Variants in ANKRD26 observed in about 807,000 individuals in gnomAD.
ANKRD26 encodes ankyrin repeat domain-containing protein 26.
ANKRD26 carries 141 observed loss-of-function variants against 208.7 expected under a neutral mutation model. That is an observed-to-expected ratio of 0.68 (90% CI 0.59 to 0.78). The LOEUF is 0.78. Among genes scored for constraint, ANKRD26 ranks in the 30% least tolerant of loss-of-function variants. The pLI, the probability that ANKRD26 is intolerant of heterozygous loss-of-function variation, is 0.00. For synonymous variants in ANKRD26, 636 were observed against 660.4 expected (o/e 0.96, Z 0.57); for missense variants, 1,889 against 1,938.7 (o/e 0.97, Z 0.48).
downstream of ANKRD26, among the ~76,000 whole-genome samples, chr10:26,989,971 A>G (rs1250865241): frequency 1.3e-5 from 2 of 152,104 alleles, no homozygotes; most frequent in Non-Finnish European, 2.9e-5. Flanking sequence ...CAAGTGCTAG[A>G]GAGTTCTCGG....
chr10:26,973,941 G>A (rs1589157739), exon 6 of ANKRD26, among the ~76,000 whole-genome samples: 1 of 152,112 alleles, frequency 6.6e-6, no homozygotes, highest in Non-Finnish European at 1.5e-5. Context: ...ACAGGCGTGA[G>A]CCACTGTGCC....
Position 27,035,748 on chromosome 10 carries a change from G to C in ANKRD26, c.2702C>G (p.Ser901Cys). The C allele has an allele frequency of 6.2e-7, 1 of 1,601,960 alleles. No individual in the cohort carries two copies. The highest frequency in any genetic ancestry group is 1.7e-5 in the Admixed American group (1 of 58,850). ...GTCTTTTTCTTCTTCATGACTATGAGAATTCTAAGTAAAACAAAGGAAACT... is the reference window on the plus strand; with the variant it reads ...GTCTTTTTCTTCTTCATGACTATGACAATTCTAAGTAAAACAAAGGAAACT... ...MAQKKMNSEN[S>C]HSHEEEKDLS... The change falls in exon 24 of 34, where the codon TCT (serine) becomes TGT (cysteine). Residue 901 changes from serine to cysteine, a missense_variant. Transcript: ENST00000376087.
Position 27,033,335 on chromosome 10 carries a change from T to G in ANKRD26, c.3697A>C (p.Lys1233Gln). ...GAAGCCTCTGACATAGATTGTTTTT[T>G]TAGGGTATCAGCTAGTTCTTGTTGA... is the stretch of plus-strand genomic sequence containing the variant. ...QLQQELADTLKKQSMSEASLE... is the reference protein window; with the variant it reads ...QLQQELADTLQKQSMSEASLE... The change falls in exon 25 of 34, where the codon AAA (lysine) becomes CAA (glutamine). Residue 1233 changes from lysine (K) to glutamine (Q), a missense_variant. Lys to Gln is a moderately conservative substitution (Grantham distance 53). Around this residue, in one of 3 missense-constraint regions of ANKRD26, gnomAD observed 613 missense variants for 648.2 expected, o/e 0.95. Coordinates refer to ENST00000376087, the MANE Select transcript of ANKRD26 (RefSeq NM_014915.3). 1 of 1,612,038 alleles carries G rather than the reference T, an allele frequency of 6.2e-7. No homozygotes were observed. The highest frequency in any genetic ancestry group is 8.5e-7 in the Non-Finnish European group (1 of 1,178,624).
chr10:27,046,029 C>T, intron 18 of ANKRD26: 1 of 243,378 alleles, frequency 4.1e-6, no homozygotes. Flanking sequence ...TGCAAATAAA[C>T]TCTAAAAGCT....
At chr10:27,011,021 G>A (rs767954350) in intron 32 of ANKRD26, among the ~76,000 whole-genome samples, 12 of 152,134 alleles carry the variant, frequency 7.9e-5, no homozygotes, top group Non-Finnish European at 1.6e-4. Context: ...CTGCAGTGCT[G>A]TCTAAGAAAC....
intron 15 of ANKRD26, among the ~76,000 whole-genome samples, chr10:27,057,040 C>A (rs182085947): frequency 1.3e-5 from 2 of 152,298 alleles, no homozygotes; most frequent in East Asian, 1.9e-4. Flanking sequence ...AGATATTTAT[C>A]ATTGATTTTC....
intron 29 of ANKRD26, among the ~76,000 whole-genome samples, chr10:27,022,066 C>T (rs930993388): frequency 6.6e-6 from 1 of 152,088 alleles, no homozygotes. Flanking sequence ...TCAATTTTTG[C>T]TTTTGTTGCA....
chr10:27,040,803 G>A (rs2054210063), intron 20 of ANKRD26, among the ~76,000 whole-genome samples: 1 of 152,158 alleles, frequency 6.6e-6, no homozygotes, highest in Admixed American at 6.5e-5. Flanking sequence ...GCTGAGGTGG[G>A]CGGATCACCT....
At chr10:26,949,435 T>C in the ANKRD26 span, among the ~76,000 whole-genome samples, 4 of 55,624 alleles carry the variant, frequency 7.2e-5, no homozygotes, top group Non-Finnish European at 2.8e-4. Context: ...ATCACATTAT[T>C]CAGTTTTCAA....
downstream of ANKRD26, among the ~76,000 whole-genome samples, chr10:27,002,118 G>A (rs2052738708): frequency 6.6e-6 from 1 of 152,130 alleles, no homozygotes; most frequent in Non-Finnish European, 1.5e-5. Context: ...TAAGAGGGTG[G>A]CCTGGCACAG....
At chr10:26,965,994 G>T in the ANKRD26 span, among the ~76,000 whole-genome samples, 1 of 152,184 alleles carries the variant, frequency 6.6e-6, no homozygotes. Flanking sequence ...AGATGCTGGT[G>T]AGGCTGTGGA....
the ANKRD26 span, among the ~76,000 whole-genome samples, chr10:26,965,553 A>G: frequency 6.6e-6 from 1 of 152,236 alleles, no homozygotes; most frequent in Non-Finnish European, 1.5e-5. Flanking sequence ...AGGCAATACC[A>G]TTCAGGACAT....
intron 25 of ANKRD26, 22 bp downstream of exon 25, chr10:27,033,203 A>C (rs1345149175): frequency 1.3e-6 from 2 of 1,588,032 alleles, no homozygotes. Context: ...TAACTGTTTG[A>C]CATGTTAAAT....
At position 27,083,175 on chromosome 10, in the gene ANKRD26, G is replaced by A. The variant is rs1589361082; in HGVS notation, c.710-342C>T. Among the ~76,000 whole-genome samples the A allele has an allele frequency of 2.0e-5, 3 of 152,098 alleles. No individual in the cohort carries two copies. In the South Asian group the frequency reaches 6.2e-4, roughly 32 times the overall value. On this transcript the variant is annotated intron_variant, in intron 5 of 33. Coordinates refer to ENST00000376087, the MANE Select transcript of ANKRD26 (RefSeq NM_014915.3). ...CAATAATCACTAAATCCTATTAACTGTACCTCTCTTCTGCCTTTGCCTTAC... is the reference window on the plus strand; with the variant it reads ...CAATAATCACTAAATCCTATTAACTATACCTCTCTTCTGCCTTTGCCTTAC...
intron 6 of ANKRD26, chr10:27,080,849 T>G (rs11015507): frequency 0.094 from 92,266 of 985,322 alleles, 4,998 homozygotes; most frequent in African/African-American, 0.24. Context: ...CTCCATGATT[T>G]GGGTTGCTCC....
chr10:27,012,337 A>G (rs1408907509), intron 32 of ANKRD26, among the ~76,000 whole-genome samples: 1 of 152,084 alleles, frequency 6.6e-6, no homozygotes, highest in African/African-American at 2.4e-5. Flanking sequence ...CAGTTCAGTT[A>G]CATTTATTGA....
At position 27,100,391 on chromosome 10, in the gene ANKRD26, CCAACATAA is replaced by C; in HGVS notation, c.-73_-66del. On this transcript the variant is annotated 5_prime_UTR_variant, in exon 1 of 34. It removes an upstream start codon present in the reference 5' UTR. Transcript: ENST00000376087. ...CTCGGCTCTTAACGGCCTCCGGAGC[CCAACATAA>C]CAAGTCAGCCCCGGCTGGCCGCAGC... 6.3e-7 allele frequency: 1 copy of C among 1,594,334 alleles called. No homozygotes were observed. The highest frequency in any genetic ancestry group is 2.2e-5 in the East Asian group (1 of 44,810).
Position 27,034,863 on chromosome 10 carries a change from A to T in ANKRD26, c.3587T>A (p.Leu1196Ter). Residue 1196 changes from leucine to a stop codon, truncating the protein, a stop_gained, in exon 24 of 34, where the codon TTA (leucine) becomes TAA (stop). Transcript: ENST00000376087. LOFTEE classifies it high-confidence loss of function. ...TTTTAAGTGATTACATTCACTGATTAACTCCTTATTTCTTTCTTCTAGCAG... is the reference window on the plus strand; with the variant it reads ...TTTTAAGTGATTACATTCACTGATTTACTCCTTATTTCTTTCTTCTAGCAG... ...SLLLEERNKELISECNHLKER... is the reference protein window; with the variant it reads ...SLLLEERNKE The T allele has an allele frequency of 6.2e-7, 1 of 1,613,124 alleles. No individual in the cohort carries two copies. The highest frequency in any genetic ancestry group is 8.5e-7 in the Non-Finnish European group (1 of 1,179,734).
chr10:27,040,270 C>T (rs866652870), intron 20 of ANKRD26, 92 bp from the exon 21 acceptor site: 1 of 918,248 alleles, frequency 1.1e-6, no homozygotes, highest in Admixed American at 2.1e-5. Flanking sequence ...AGACACTGAC[C>T]AATTACATAT....
Sources: allele counts gnomAD v4.1 joint callset (sites outside exome capture counted in the v4.1 genomes callset), GRCh38; gene constraint gnomAD v4.1.1; regional missense constraint gnomAD v4.1.1; transcripts MANE v1.5; gene names NCBI Gene and HGNC (gene_info 2026-07-23, HGNC 2026-07-21).